Variants in PLEKHG4B observed in about 807,000 individuals in gnomAD.
The protein encoded by PLEKHG4B is pleckstrin homology domain-containing family G member 4B.
Under a neutral mutation model 121.3 loss-of-function variants are expected in PLEKHG4B, and 111 were observed. That is an observed-to-expected ratio of 0.92 (90% CI 0.78 to 1.07). PLEKHG4B has a LOEUF of 1.07. PLEKHG4B is among the 50% of genes least tolerant of loss of function. The pLI is 0.00. For missense variants in PLEKHG4B, 1,831 were observed against 1,757.8 expected (o/e 1.04, Z -0.74); for synonymous variants, 738 against 725.0 (o/e 1.02, Z -0.29).
At chr5:98,717 C>T (rs1328305283) in intron 1 of PLEKHG4B, among the ~76,000 whole-genome samples, 1 of 148,750 alleles carries the variant, frequency 6.7e-6, no homozygotes, top group African/African-American at 2.5e-5. Flanking sequence ...TCATGATCCA[C>T]CCGCCTCAGC....
chr5:158,446 G>A, intron 11 of PLEKHG4B, among the ~76,000 whole-genome samples: 1 of 125,366 alleles, frequency 8.0e-6, no homozygotes, highest in East Asian at 2.6e-4. Flanking sequence ...TCCTCCCTCT[G>A]CCCGTCCTGG....
rs529963377 is a variant in PLEKHG4B at position 186,596 on chromosome 5, C to A, written c.*4273C>A. The stretch of plus-strand genomic sequence containing the variant: ...GTCCCCATCCGCAGTGACGCTAGCG[C>A]GGAGTCGTCGCCAAGCACGTGGAGG... On this transcript the variant is annotated 3_prime_UTR_variant, in exon 20 of 20. Coordinates refer to ENST00000637938, the MANE Select transcript of PLEKHG4B (RefSeq NM_052909.5). 6.6e-6 allele frequency: 1 copy of A among 152,360 alleles called. No homozygotes were observed. Among genetic ancestry groups the A allele is most frequent in the African/African-American group, 2.4e-5 (1 of 41,456 alleles). 9.4% of individuals were successfully genotyped at this position (152,360 alleles called of 1,614,324 possible).
At position 129,279 on chromosome 5, in the gene PLEKHG4B, A is replaced by G. The variant is rs191650395; in HGVS notation, c.244-10204A>G. On this transcript the variant is annotated intron_variant, in intron 2 of 19. Transcript: ENST00000637938. ...CTGAAGCCTGCTACTTAGAAGCTTC[A>G]TCTACAGAACAAGAACCTTGGCTTT... Among the ~76,000 whole-genome samples, 391 of 152,344 alleles carry G rather than the reference A, an allele frequency of 2.6e-3. 2 individuals are homozygous for G. Among genetic ancestry groups the G allele is most frequent in the African/African-American group, 9.0e-3 (376 of 41,572 alleles).
At chr5:174,913 C>G (rs1199345838) in intron 18 of PLEKHG4B, among the ~76,000 whole-genome samples, 1 of 152,086 alleles carries the variant, frequency 6.6e-6, no homozygotes, top group Non-Finnish European at 1.5e-5. Context: ...AGGGCCTAAT[C>G]ACTCTGAGGA....
chr5:135,187 CA>C (rs35601775), intron 2 of PLEKHG4B, among the ~76,000 whole-genome samples: 3,526 of 48,712 alleles, frequency 0.072, 21 homozygotes, highest in Non-Finnish European at 0.12. Flanking sequence ...GACTCCAGCT[CA>C]AAAAAAAAAA....
chr5:94,906 G>T (rs181824863), intron 1 of PLEKHG4B, among the ~76,000 whole-genome samples: 3 of 152,058 alleles, frequency 2.0e-5, no homozygotes, highest in Non-Finnish European at 4.4e-5. Flanking sequence ...CTACCTCTCC[G>T]AGTACCCTAG....
intron 18 of PLEKHG4B, among the ~76,000 whole-genome samples, chr5:178,991 T>C (rs1375689915): frequency 6.6e-6 from 1 of 152,260 alleles, no homozygotes; most frequent in Non-Finnish European, 1.5e-5. Context: ...TTATTGTTAA[T>C]TGCTTTTTGT....
At chr5:109,839 C>T (rs140664100) in intron 1 of PLEKHG4B, among the ~76,000 whole-genome samples, 4 of 152,308 alleles carry the variant, frequency 2.6e-5, no homozygotes, top group East Asian at 1.9e-4. Flanking sequence ...AAGGGACTGG[C>T]GGGCACCGGA....
intron 11 of PLEKHG4B, among the ~76,000 whole-genome samples, chr5:158,996 T>G (rs2126430485): frequency 6.6e-6 from 1 of 152,282 alleles, no homozygotes; most frequent in East Asian, 1.9e-4. Context: ...GTCACTTTAG[T>G]TTCCCTTCGC....
intron 2 of PLEKHG4B, among the ~76,000 whole-genome samples, chr5:127,340 T>TTATTATTATTATTA (rs1686746332): frequency 3.0e-5 from 4 of 135,562 alleles, no homozygotes; most frequent in Non-Finnish European, 6.2e-5. Flanking sequence ...ATTGTTGGTT[T>TTATTATTATTATTA]TTATTATTAT....
intron 2 of PLEKHG4B, among the ~76,000 whole-genome samples, chr5:120,711 A>G (rs1057302697): frequency 1.3e-5 from 2 of 152,240 alleles, no homozygotes; most frequent in Non-Finnish European, 2.9e-5. Context: ...GAAAGGAAAC[A>G]TGCCTGCATT....
At chr5:101,201 GGA>G (rs1211791909) in intron 1 of PLEKHG4B, among the ~76,000 whole-genome samples, 4 of 126,092 alleles carry the variant, frequency 3.2e-5, no homozygotes, top group Non-Finnish European at 6.4e-5. Context: ...AGTCTGTAGG[GGA>G]GAGACTGTTG....
chr5:127,340 TTTATTATTA>T (rs60825083), intron 2 of PLEKHG4B, among the ~76,000 whole-genome samples: 236 of 135,562 alleles, frequency 1.7e-3, no homozygotes, highest in East Asian at 4.6e-3. Flanking sequence ...ATTGTTGGTT[TTTATTATTA>T]TTATTATTAT....
intron 1 of PLEKHG4B, among the ~76,000 whole-genome samples, chr5:108,421 C>G (rs755064665): frequency 1.3e-5 from 2 of 152,196 alleles, no homozygotes; most frequent in Admixed American, 1.3e-4. Flanking sequence ...GGTCAAGAAT[C>G]CAAAATACAC....
chr5:106,896 A>C (rs1733989934), intron 1 of PLEKHG4B, among the ~76,000 whole-genome samples: 1 of 152,128 alleles, frequency 6.6e-6, no homozygotes, highest in Non-Finnish European at 1.5e-5. Context: ...GTTCTCGTGT[A>C]TGTACGTGTG....
intron 6 of PLEKHG4B, among the ~76,000 whole-genome samples, chr5:151,004 A>G (rs1381312803): frequency 6.6e-6 from 1 of 152,238 alleles, no homozygotes; most frequent in Non-Finnish European, 1.5e-5. Flanking sequence ...CTGCTCAGCA[A>G]AACAGAGGAA....
At chr5:154,521 A>G (rs1735705535) in intron 7 of PLEKHG4B, among the ~76,000 whole-genome samples, 1 of 150,214 alleles carries the variant, frequency 6.7e-6, no homozygotes, top group South Asian at 2.1e-4. Flanking sequence ...AACTCTCCTT[A>G]TATTTTGTCC....
At chr5:151,288 G>T (rs958804376) in intron 6 of PLEKHG4B, among the ~76,000 whole-genome samples, 2 of 152,076 alleles carry the variant, frequency 1.3e-5, no homozygotes, top group Non-Finnish European at 2.9e-5. Context: ...CACTAAAAAG[G>T]GTGAATTTTA....
At position 185,875 on chromosome 5, in the gene PLEKHG4B, T is replaced by C. The variant is rs1733609055; in HGVS notation, c.*3552T>C. On this transcript the variant is annotated 3_prime_UTR_variant, in exon 20 of 20. Transcript: ENST00000637938. The stretch of plus-strand genomic sequence containing the variant: ...CAAAAGATGGGTCTCTCTCTCCTGA[T>C]AGCATGGAGCCTGGATGTGGGAATG... 6.6e-6 allele frequency: 1 copy of C among 152,216 alleles called. No homozygotes were observed. Among genetic ancestry groups the C allele is most frequent in the African/African-American group, 2.4e-5 (1 of 41,430 alleles). 9.4% of individuals were successfully genotyped at this position (152,216 alleles called of 1,614,324 possible).
Sources: allele counts gnomAD v4.1 joint callset (sites outside exome capture counted in the v4.1 genomes callset), GRCh38; gene constraint gnomAD v4.1.1; transcripts MANE v1.5; gene names NCBI Gene and HGNC (gene_info 2026-07-23, HGNC 2026-07-21).